MTFR1: variants seen among roughly 807,000 people sequenced by gnomAD.
MTFR1 encodes mitochondrial fission regulator 1.
MTFR1 carries 28 observed loss-of-function variants against 38.8 expected under a neutral mutation model. That is an observed-to-expected ratio of 0.72 (90% CI 0.53 to 0.99). MTFR1 has a LOEUF of 0.99. MTFR1 is among the 50% of genes least tolerant of loss of function. The pLI is 0.00. For missense variants in MTFR1, 358 were observed against 395.5 expected, an observed-to-expected ratio of 0.91 and a Z score of 0.81; for synonymous variants, 145 against 137.0, an observed-to-expected ratio of 1.06 and a Z score of -0.41.
intron 3 of MTFR1, chr8:65,734,742 T>G: frequency 9.8e-7 from 1 of 1,019,788 alleles, no homozygotes; most frequent in Non-Finnish European, 1.5e-6. Context: ...TGAAAGTAAA[T>G]CAAAAGGAAT....
chr8:65,774,289 A>AT (rs1452588762), downstream of MTFR1, among the ~76,000 whole-genome samples: 6 of 150,118 alleles, frequency 4.0e-5, no homozygotes, highest in East Asian at 1.9e-4. Context: ...TTTTTAAAAG[A>AT]TTTTTTGTAC....
At position 65,724,670 on chromosome 8, in the gene MTFR1, C is replaced by T. The variant is rs992920348; in HGVS notation, c.*48+5189C>T. The stretch of plus-strand genomic sequence containing the variant: ...TAATTGAAGGAAATTCTTTAGCTTG[C>T]CCTCAAGATTTAACCATTCTGAAAA... On this transcript the variant is annotated intron_variant, in intron 3 of 3. Coordinates refer to the MTFR1 transcript ENST00000521247. 6.3e-6 allele frequency: 6 copies of T among 945,318 alleles called. No homozygotes were observed. The African/African-American group carries it at 1.0e-4, about 16-fold the overall frequency. The allele number at this position is 945,318 out of a possible 1,614,324, so 58.6% of individuals were successfully genotyped here.
downstream of MTFR1, chr8:65,714,638 A>G (rs534123506): frequency 6.6e-6 from 1 of 152,324 alleles, no homozygotes; most frequent in African/African-American, 2.4e-5. Flanking sequence ...CCTATTAGCT[A>G]TTGGTCACTG....
At chr8:65,711,063 A>G (rs1805930807), downstream of MTFR1, among the ~76,000 whole-genome samples, 1 of 152,138 alleles carries the variant, frequency 6.6e-6, no homozygotes, top group African/African-American at 2.4e-5. Flanking sequence ...CTGGACTTGG[A>G]GCTTTACATG....
chr8:65,730,308 G>A (rs1313562131), intron 3 of MTFR1, among the ~76,000 whole-genome samples: 1 of 146,188 alleles, frequency 6.8e-6, no homozygotes, highest in Non-Finnish European at 1.5e-5. Context: ...AGCCTCCCAA[G>A]TAGCTGGTAT....
chr8:65,688,921 G>T (rs1030748812), intron 3 of MTFR1, among the ~76,000 whole-genome samples: 1 of 151,904 alleles, frequency 6.6e-6, no homozygotes, highest in African/African-American at 2.4e-5. Flanking sequence ...GAGGCGGGTG[G>T]ATCACTTGAG....
At chr8:65,648,615 A>T (rs1809032921) in intron 1 of MTFR1, among the ~76,000 whole-genome samples, 1 of 152,014 alleles carries the variant, frequency 6.6e-6, no homozygotes. Context: ...TCATTAAAAA[A>T]TTTTTTTTCT....
intron 1 of MTFR1, among the ~76,000 whole-genome samples, chr8:65,655,951 A>ATATATATATATATATAT (rs1377063247): frequency 1.8e-5 from 1 of 55,404 alleles, no homozygotes; most frequent in East Asian, 3.0e-4. Flanking sequence ...TAAAAAAAAA[A>ATATATATATATATATAT]ATATATATAT....
intron 1 of MTFR1, among the ~76,000 whole-genome samples, chr8:65,655,224 TCTAA>T (rs1563432435): frequency 2.0e-5 from 3 of 152,230 alleles, no homozygotes; most frequent in African/African-American, 7.2e-5. Context: ...GATCTCTGTC[TCTAA>T]CTTCTTTTAA....
chr8:65,704,676 C>T lies in MTFR1; in HGVS notation c.282-18C>T. The T allele has an allele frequency of 6.2e-7, 1 of 1,609,970 alleles. No homozygotes were observed. The highest frequency in any genetic ancestry group is 1.7e-5 in the Admixed American group (1 of 59,932). On this transcript the variant is annotated intron_variant, in intron 4 of 7. Transcript: ENST00000262146. ...TCTTACAAAGCCTGTGACAGCCCACCTTATGTCTTCCTTGCAGGACAGAGG... is the reference window on the plus strand; with the variant it reads ...TCTTACAAAGCCTGTGACAGCCCACTTTATGTCTTCCTTGCAGGACAGAGG...
At chr8:65,726,310 GGT>G (rs1330407931) in intron 3 of MTFR1, among the ~76,000 whole-genome samples, 1 of 151,726 alleles carries the variant, frequency 6.6e-6, no homozygotes, top group Non-Finnish European at 1.5e-5. Flanking sequence ...TTTTTTATTA[GGT>G]TCTAAAATAG....
chr8:65,715,384 T>G (rs190602764), downstream of MTFR1, among the ~76,000 whole-genome samples: 1 of 151,210 alleles, frequency 6.6e-6, no homozygotes, highest in Non-Finnish European at 1.5e-5. Context: ...AAAAAGTTTT[T>G]TTTTTTTTTT....
At chr8:65,741,682 T>C (rs184271554) in intron 3 of MTFR1, among the ~76,000 whole-genome samples, 23 of 152,356 alleles carry the variant, frequency 1.5e-4, no homozygotes, top group Middle Eastern at 6.8e-3. Context: ...TGTGGAGCCA[T>C]TTCTGAAGAA....
chr8:65,686,924 C>CA (rs780813271), intron 3 of MTFR1, among the ~76,000 whole-genome samples: 158 of 130,586 alleles, frequency 1.2e-3, no homozygotes, highest in Admixed American at 1.5e-3. Flanking sequence ...ACTCCATCTC[C>CA]AAAAAAAAAA....
chr8:65,760,511 C>T (rs1808436787), intron 3 of MTFR1, among the ~76,000 whole-genome samples: 1 of 152,024 alleles, frequency 6.6e-6, no homozygotes, highest in South Asian at 2.1e-4. Flanking sequence ...TGTCTAAAAC[C>T]CATGCCAAAC....
chr8:65,666,727 A>G (rs1804391889), intron 1 of MTFR1, among the ~76,000 whole-genome samples: 1 of 152,214 alleles, frequency 6.6e-6, no homozygotes, highest in Non-Finnish European at 1.5e-5. Flanking sequence ...TGTTCTGTGA[A>G]GTTAGCTCGT....
chr8:65,778,227 CTA>C, the MTFR1 span, among the ~76,000 whole-genome samples: 1 of 152,188 alleles, frequency 6.6e-6, no homozygotes, highest in Non-Finnish European at 1.5e-5. Flanking sequence ...TCTTCAGACA[CTA>C]TGAGTCCTCA....
chr8:65,718,744 C>G (rs553482513), intron 2 of MTFR1: 1 of 153,974 alleles, frequency 6.5e-6, no homozygotes, highest in Non-Finnish European at 1.4e-5. Context: ...AAAGTTTGAT[C>G]TTTAAATTTG....
At chr8:65,703,433 T>G (rs868092397) in intron 4 of MTFR1, among the ~76,000 whole-genome samples, 296 of 116,824 alleles carry the variant, frequency 2.5e-3, no homozygotes, top group Middle Eastern at 7.9e-3. Flanking sequence ...TTTTTTTTTT[T>G]TTTTTTTTTT....
Sources: gnomAD v4.1 joint callset for allele counts (sites outside exome capture counted in the v4.1 genomes callset) on GRCh38, gnomAD v4.1.1 for gene constraint, MANE v1.5 for transcripts, NCBI Gene and HGNC (gene_info 2026-07-23, HGNC 2026-07-21) for gene names.